TENM2: variants seen among roughly 807,000 people sequenced by gnomAD.
The protein encoded by TENM2 is teneurin-2.
A neutral mutation model predicts 245.2 loss-of-function variants in TENM2; 52 were observed. That is an observed-to-expected ratio of 0.21 (90% CI 0.17 to 0.27). TENM2 has a LOEUF of 0.27. Ranked by LOEUF, TENM2 falls within the 10% of genes least tolerant of loss-of-function variation. The probability of loss-of-function intolerance (pLI) is 1.00; values close to 1 mark genes in which losing one functional copy is unlikely to be tolerated. For synonymous variants in TENM2, 1,363 were observed against 1,438.9 expected (o/e 0.95, Z 1.19); for missense variants, 3,046 against 3,666.8 (o/e 0.83, Z 4.37).
chr5:167,415,010 T>G (rs1466279719), intron 2 of TENM2, among the ~76,000 whole-genome samples: 1 of 152,124 alleles, frequency 6.6e-6, no homozygotes, highest in Non-Finnish European at 1.5e-5. Flanking sequence ...CTTCAAGACT[T>G]TGGTGAGAAA....
chr5:167,971,672 G>C (rs1038722038), intron 4 of TENM2, among the ~76,000 whole-genome samples: 7 of 151,784 alleles, frequency 4.6e-5, no homozygotes, highest in Non-Finnish European at 8.8e-5. Context: ...CTGCACTCCA[G>C]CCTGGGTGAC....
At chr5:167,665,217 A>G (rs1364633636) in intron 2 of TENM2, among the ~76,000 whole-genome samples, 4 of 152,172 alleles carry the variant, frequency 2.6e-5, no homozygotes, top group African/African-American at 9.7e-5. Flanking sequence ...GGTTACTGGG[A>G]AAAATGAATA....
At chr5:167,698,561 G>A (rs577395418) in intron 2 of TENM2, among the ~76,000 whole-genome samples, 12 of 152,204 alleles carry the variant, frequency 7.9e-5, no homozygotes, top group African/African-American at 2.6e-4. Flanking sequence ...ATACTGTACT[G>A]CAGTTGCCTG....
chr5:167,670,183 G>A (rs1459995216), intron 2 of TENM2, among the ~76,000 whole-genome samples: 1 of 152,144 alleles, frequency 6.6e-6, no homozygotes, highest in Non-Finnish European at 1.5e-5. Context: ...AATTATTTTT[G>A]AGAATTTGGT....
chr5:167,468,284 A>G (rs555784862), intron 2 of TENM2, among the ~76,000 whole-genome samples: 1 of 152,222 alleles, frequency 6.6e-6, no homozygotes, highest in African/African-American at 2.4e-5. Flanking sequence ...CATGATGAGC[A>G]CAAACAGAAC....
the TENM2 span, among the ~76,000 whole-genome samples, chr5:167,217,257 A>G: frequency 6.6e-6 from 1 of 152,190 alleles, no homozygotes; most frequent in African/African-American, 2.4e-5. Flanking sequence ...CACAAGTTCC[A>G]GCAGAATCCT....
intron 5 of TENM2, among the ~76,000 whole-genome samples, chr5:168,044,544 A>G (rs1263798948): frequency 1.3e-5 from 2 of 152,114 alleles, no homozygotes; most frequent in Admixed American, 1.3e-4. Flanking sequence ...ACATCCTACA[A>G]TCCAACCCCC....
At chr5:168,237,722 TTTAA>T (rs950629226) in intron 25 of TENM2, among the ~76,000 whole-genome samples, 42 of 150,734 alleles carry the variant, frequency 2.8e-4, no homozygotes, top group African/African-American at 9.2e-4. Flanking sequence ...TGATGCATTA[TTTAA>T]TTATTATATT....
intron 5 of TENM2, among the ~76,000 whole-genome samples, chr5:168,034,205 T>A (rs1787455500): frequency 1.4e-5 from 2 of 142,078 alleles, no homozygotes; most frequent in African/African-American, 2.7e-5. Flanking sequence ...TAATCAAGAG[T>A]TGTGGCACGT....
chr5:168,116,544 G>A (rs968547), intron 9 of TENM2, among the ~76,000 whole-genome samples: 129,635 of 152,146 alleles, frequency 0.85, 55,559 homozygotes, highest in East Asian at 0.97. Context: ...GTGCTTGCCC[G>A]CAACCCCCCA....
At chr5:167,818,957 A>G (rs574528293) in intron 2 of TENM2, among the ~76,000 whole-genome samples, 1 of 152,262 alleles carries the variant, frequency 6.6e-6, no homozygotes, top group East Asian at 1.9e-4. Context: ...GGGAACCAAC[A>G]CACTCACGTG....
intron 2 of TENM2, among the ~76,000 whole-genome samples, chr5:167,857,809 T>G (rs566285654): frequency 6.6e-6 from 1 of 152,330 alleles, no homozygotes; most frequent in Non-Finnish European, 1.5e-5. Context: ...ATTTTCTTCA[T>G]CCTTATTTGA....
chr5:168,081,951 T>G (rs1473484061), intron 7 of TENM2, among the ~76,000 whole-genome samples: 2 of 152,154 alleles, frequency 1.3e-5, no homozygotes, highest in Admixed American at 1.3e-4. Flanking sequence ...GGCATTCTCT[T>G]CATTTCCTGA....
chr5:168,262,612 C>T (rs1049856640), exon 29 of TENM2: 2 of 1,588,744 alleles, frequency 1.3e-6, no homozygotes, highest in African/African-American at 1.3e-5. Context: ...CGGCCTGGGC[C>T]AAGGAGCAGC....
chr5:167,014,408 C>A, the TENM2 span, among the ~76,000 whole-genome samples: 1 of 151,810 alleles, frequency 6.6e-6, no homozygotes, highest in African/African-American at 2.4e-5. Context: ...TGCTTTTCTT[C>A]TTTTCCTAAC....
At position 167,988,913 on chromosome 5, in the gene TENM2, T is replaced by A. The variant is rs138493794; in HGVS notation, c.948-4031T>A. Among the ~76,000 whole-genome samples the A allele has an allele frequency of 3.3e-5, 5 of 152,312 alleles. No homozygotes were observed. In the East Asian group the frequency reaches 9.6e-4, roughly 29 times the overall value. ...AAGCAGTGCCATATGCAAGATATAA[T>A]CATATCCATTTTTCGTATAAATGAG... On this transcript the variant is annotated intron_variant, in intron 4 of 28. Transcript: ENST00000518659.
intron 2 of TENM2, among the ~76,000 whole-genome samples, chr5:167,458,499 A>C (rs916626294): frequency 5.7e-5 from 8 of 141,384 alleles, no homozygotes; most frequent in South Asian, 2.2e-4. Flanking sequence ...AAAAACAAAA[A>C]AAAAAAAAAA....
At chr5:167,858,968 C>T (rs1259060535) in intron 2 of TENM2, among the ~76,000 whole-genome samples, 6 of 144,450 alleles carry the variant, frequency 4.2e-5, no homozygotes, top group Non-Finnish European at 9.2e-5. Context: ...TGCCTGGCCG[C>T]CCATCGTCTG....
At chr5:167,933,718 C>T (rs1778468770) in intron 3 of TENM2, among the ~76,000 whole-genome samples, 1 of 151,770 alleles carries the variant, frequency 6.6e-6, no homozygotes, top group South Asian at 2.1e-4. Flanking sequence ...AGTGAGGAGC[C>T]AGGGATGGGA....
Sources: allele counts gnomAD v4.1 joint callset (sites outside exome capture counted in the v4.1 genomes callset), GRCh38; gene constraint gnomAD v4.1.1; transcripts MANE v1.5; gene names NCBI Gene and HGNC (gene_info 2026-07-23, HGNC 2026-07-21).